Variants in ENTREP2 observed in about 807,000 individuals in gnomAD.
ENTREP2 encodes endosomal transmembrane epsin interactor 2.
the ENTREP2 span, among the ~76,000 whole-genome samples, chr15:29,305,042 T>C: frequency 0.041 from 6,195 of 152,284 alleles, 406 homozygotes; most frequent in African/African-American, 0.14. Flanking sequence ...TCTATTACTA[T>C]ATGCCTTCAT....
At chr15:29,345,482 GC>G in the ENTREP2 span, among the ~76,000 whole-genome samples, 1 of 152,208 alleles carries the variant, frequency 6.6e-6, no homozygotes, top group East Asian at 1.9e-4. Flanking sequence ...CTGCACCAAG[GC>G]CCCTTCTACC....
the ENTREP2 span, among the ~76,000 whole-genome samples, chr15:29,410,581 C>T: frequency 6.6e-6 from 1 of 151,836 alleles, no homozygotes; most frequent in East Asian, 1.9e-4. Flanking sequence ...AGCTATCCTT[C>T]CTCCCTGCCT....
chr15:29,363,590 TAAAA>T, the ENTREP2 span, among the ~76,000 whole-genome samples: 1 of 152,018 alleles, frequency 6.6e-6, no homozygotes, highest in Non-Finnish European at 1.5e-5. Flanking sequence ...GAGAGAGAAA[TAAAA>T]AAACCACTAA....
At chr15:29,341,081 T>C in the ENTREP2 span, among the ~76,000 whole-genome samples, 3 of 152,170 alleles carry the variant, frequency 2.0e-5, no homozygotes, top group Non-Finnish European at 4.4e-5. Context: ...ACCACAGGGC[T>C]GGTTAGGGAA....
the ENTREP2 span, among the ~76,000 whole-genome samples, chr15:29,485,448 C>CT: frequency 6.6e-6 from 1 of 152,156 alleles, no homozygotes; most frequent in Non-Finnish European, 1.5e-5. Context: ...CAAGGGGCTC[C>CT]TCTCTGTTCT....
chr15:29,565,233 T>C, the ENTREP2 span, among the ~76,000 whole-genome samples: 2 of 152,220 alleles, frequency 1.3e-5, no homozygotes, highest in Non-Finnish European at 2.9e-5. Context: ...GCCTTGCTAA[T>C]ATCCCACGCT....
the ENTREP2 span, among the ~76,000 whole-genome samples, chr15:29,481,705 G>A: frequency 6.6e-6 from 1 of 152,276 alleles, no homozygotes; most frequent in South Asian, 2.1e-4. Context: ...AAGGAAAAGA[G>A]CAGTGCCTTG....
chr15:29,365,338 C>T, the ENTREP2 span, among the ~76,000 whole-genome samples: 1 of 151,394 alleles, frequency 6.6e-6, no homozygotes, highest in Non-Finnish European at 1.5e-5. Context: ...CTGCAACCTC[C>T]ACCTCCTGAT....
the ENTREP2 span, chr15:29,137,042 C>T: frequency 7.0e-7 from 1 of 1,436,134 alleles, no homozygotes; most frequent in South Asian, 1.5e-5. Context: ...ACCTCTGGGC[C>T]TCAGTGGACG....
At chr15:29,282,412 G>A in the ENTREP2 span, among the ~76,000 whole-genome samples, 1 of 152,138 alleles carries the variant, frequency 6.6e-6, no homozygotes, top group Non-Finnish European at 1.5e-5. Flanking sequence ...AAATTACCCA[G>A]TCTTGGGTAT....
the ENTREP2 span, among the ~76,000 whole-genome samples, chr15:29,487,122 TTGAAA>T: frequency 6.6e-6 from 1 of 152,234 alleles, no homozygotes; most frequent in Non-Finnish European, 1.5e-5. Flanking sequence ...TATACACATA[TTGAAA>T]TATCACTCTG....
chr15:29,398,832 A>G, the ENTREP2 span, among the ~76,000 whole-genome samples: 1 of 152,154 alleles, frequency 6.6e-6, no homozygotes, highest in Non-Finnish European at 1.5e-5. Context: ...GCCCTGTGTA[A>G]TCCTCTCCCT....
At chr15:29,491,372 C>T in the ENTREP2 span, among the ~76,000 whole-genome samples, 5 of 152,192 alleles carry the variant, frequency 3.3e-5, no homozygotes, top group Non-Finnish European at 7.3e-5. Context: ...AAGCAGACAT[C>T]GAGGCCCAGG....
At chr15:29,154,669 T>C in the ENTREP2 span, among the ~76,000 whole-genome samples, 26 of 152,228 alleles carry the variant, frequency 1.7e-4, no homozygotes, top group African/African-American at 4.8e-4. Flanking sequence ...CTCACTGACA[T>C]GCTCTGTGCG....
chr15:29,213,721 C>T, the ENTREP2 span, among the ~76,000 whole-genome samples: 1 of 152,112 alleles, frequency 6.6e-6, no homozygotes, highest in Non-Finnish European at 1.5e-5. Context: ...GATATACTAT[C>T]ACAGCAAAAG....
chr15:29,356,459 C>G, the ENTREP2 span, among the ~76,000 whole-genome samples: 2 of 150,922 alleles, frequency 1.3e-5, no homozygotes, highest in Admixed American at 6.6e-5. Flanking sequence ...GCGACCACTA[C>G]CACACCCAGC....
chr15:29,196,559 C>A, the ENTREP2 span: 1 of 1,550,960 alleles, frequency 6.4e-7, no homozygotes, highest in Non-Finnish European at 8.7e-7. Context: ...CACTGTCAAA[C>A]TTAATCTAGA....
At chr15:29,235,416 C>T in the ENTREP2 span, among the ~76,000 whole-genome samples, 1 of 152,114 alleles carries the variant, frequency 6.6e-6, no homozygotes, top group Admixed American at 6.6e-5. Flanking sequence ...CCTGGCCACA[C>T]CTTAGCTTTT....
chr15:29,531,071 G>GT, the ENTREP2 span, among the ~76,000 whole-genome samples: 12 of 152,224 alleles, frequency 7.9e-5, no homozygotes, highest in Non-Finnish European at 1.6e-4. Context: ...CACACATGGA[G>GT]TCGTGGGCTC....
Sources: gnomAD v4.1 joint callset for allele counts (sites outside exome capture counted in the v4.1 genomes callset) on GRCh38, gnomAD v4.1.1 for gene constraint, MANE v1.5 for transcripts, NCBI Gene and HGNC (gene_info 2026-07-23, HGNC 2026-07-21) for gene names.